GPR160: variants seen among roughly 807,000 people sequenced by gnomAD.
GPR160 encodes probable G protein-coupled receptor 160.
A neutral mutation model predicts 2.6 loss-of-function variants in GPR160; 2 were observed. That is an observed-to-expected ratio of 0.77 (90% CI 0.32 to 2.44). The LOEUF (loss-of-function observed/expected upper bound fraction) is 2.44, where lower values mean the gene tolerates loss of function less well. Ranked by LOEUF, GPR160 falls within the 30% of genes most tolerant of loss-of-function variation. The pLI, the probability that GPR160 is intolerant of heterozygous loss-of-function variation, is 0.11. For missense variants in GPR160, 351 were observed against 383.6 expected (o/e 0.91, Z 0.71); for synonymous variants, 130 against 132.2 (o/e 0.98, Z 0.12).
Position 170,038,851 on chromosome 3 carries a change from T to C in GPR160, c.-321-64T>C, listed in dbSNP as rs981333786. On this transcript the variant is annotated intron_variant, in intron 1 of 3. Transcript: ENST00000355897. This position sits in a 1 kb window ranked among gnomAD's most constrained non-coding sequence, Gnocchi z 5.3. ...CCATCCTGGCTGGCTCAAAATTCCC[T>C]CTAGATTACCTGCGACCACCCCCAG... The C allele has an allele frequency of 8.6e-5, 13 of 151,918 alleles. No homozygotes were observed. The highest frequency in any genetic ancestry group is 2.2e-4 in the African/African-American group (9 of 41,348). 9.4% of individuals were successfully genotyped at this position (151,918 alleles called of 1,614,324 possible).
At chr3:170,070,034 C>A (rs1712517882) in intron 2 of GPR160, among the ~76,000 whole-genome samples, 1 of 152,112 alleles carries the variant, frequency 6.6e-6, no homozygotes. Context: ...AAGGTCCTAT[C>A]TCCAAATATA....
rs114416623 is a variant in GPR160, at chr3:170,078,393, T to A, written c.-192-1381T>A. ...CCCTGAGCCCCCTCCCCCAATAAAC[T>A]GGAAAAAGGACAAGGGATACACTAC... On this transcript the variant is annotated intron_variant, in intron 2 of 3. Coordinates refer to ENST00000355897, the MANE Select transcript of GPR160 (RefSeq NM_014373.3). Among the ~76,000 whole-genome samples the A allele has an allele frequency of 4.7e-3, 715 of 151,974 alleles. 4 individuals carry two copies. The highest frequency in any genetic ancestry group is 0.016 in the African/African-American group (683 of 41,442).
At chr3:170,042,204 A>G (rs1045726304) in intron 2 of GPR160, among the ~76,000 whole-genome samples, 1 of 152,090 alleles carries the variant, frequency 6.6e-6, no homozygotes, top group Non-Finnish European at 1.5e-5. Flanking sequence ...ATTGAAATAT[A>G]AGGAAATCAG....
At chr3:170,064,371 G>A (rs6764015) in intron 2 of GPR160, among the ~76,000 whole-genome samples, 56,466 of 151,976 alleles carry the variant, frequency 0.37, 11,464 homozygotes, top group East Asian at 0.69. Context: ...CAGCCTCAGA[G>A]AAAGGCGCCC....
chr3:170,046,887 G>T (rs1275569560), intron 2 of GPR160, among the ~76,000 whole-genome samples: 1 of 152,116 alleles, frequency 6.6e-6, no homozygotes, highest in African/African-American at 2.4e-5. Context: ...TATCAGAGAG[G>T]TAACATGAGT....
chr3:170,067,968 A>G (rs1712426440), intron 2 of GPR160, among the ~76,000 whole-genome samples: 1 of 152,072 alleles, frequency 6.6e-6, no homozygotes, highest in South Asian at 2.1e-4. Flanking sequence ...ATTTAATGAA[A>G]CTCAGGTTTG....
intron 2 of GPR160, among the ~76,000 whole-genome samples, chr3:170,062,043 A>C (rs1003636270): frequency 6.6e-6 from 1 of 152,190 alleles, no homozygotes; most frequent in African/African-American, 2.4e-5. Flanking sequence ...TATAAGGTCT[A>C]TTTTACAATA....
chr3:170,066,130 C>CTTTTTTTTTTT lies in GPR160; in HGVS notation c.-192-13626_-192-13616dup, dbSNP rs768660597. 7.2e-4 allele frequency among the ~76,000 whole-genome samples: 61 copies of CTTTTTTTTTTT among 85,170 alleles called. 1 individual carries two copies. The highest frequency in any genetic ancestry group is 1.1e-3 in the African/African-American group (21 of 19,396). The allele number at this position is 85,170 out of a possible 152,430, so 55.9% of individuals were successfully genotyped here. A position where few individuals can be genotyped will look rare whatever the true frequency, so the allele number is the denominator to read the frequency against. ...ACTTGACACTATTCTTTTTCTTTTT[C>CTTTTTTTTTTT]TTTTTTTTTTTTTTTTTTTTTTTTT... On this transcript the variant is annotated intron_variant, in intron 2 of 3. Coordinates refer to ENST00000355897, the MANE Select transcript of GPR160 (RefSeq NM_014373.3).
chr3:170,064,514 C>CTTTTCTTTTTTTT (rs1273500686), intron 2 of GPR160, among the ~76,000 whole-genome samples: 1 of 81,052 alleles, frequency 1.2e-5, no homozygotes, highest in African/African-American at 4.1e-5. Context: ...CTTTTCTTTT[C>CTTTTCTTTTTTTT]TTTTTTTTTT....
chr3:170,085,204 G>A lies in GPR160; in HGVS notation c.*215G>A. The A allele has an allele frequency of 2.9e-6, 1 of 348,132 alleles. No individual in the cohort carries two copies. The highest frequency in any genetic ancestry group is 5.4e-6 in the Non-Finnish European group (1 of 186,330). 21.6% of individuals were successfully genotyped at this position (348,132 alleles called of 1,614,324 possible). A position where few individuals can be genotyped will look rare whatever the true frequency, so the allele number is the denominator to read the frequency against. ...TCCAAGAAGTTTTTATAGTTATTCA[G>A]GGACACTATATTACAAATATTACTT... On this transcript the variant is annotated 3_prime_UTR_variant, in exon 4 of 4. Transcript: ENST00000355897.
At chr3:170,070,058 GT>G (rs1712519309) in intron 2 of GPR160, among the ~76,000 whole-genome samples, 1 of 152,048 alleles carries the variant, frequency 6.6e-6, no homozygotes, top group Non-Finnish European at 1.5e-5. Flanking sequence ...ACATTTGGAG[GT>G]GCTGGGAGTT....
chr3:170,059,545 G>A (rs4422361), intron 2 of GPR160, among the ~76,000 whole-genome samples: 3 of 152,170 alleles, frequency 2.0e-5, no homozygotes, highest in Admixed American at 2.0e-4. Context: ...TTGGGAACCA[G>A]GTTCTTTTTT....
intron 3 of GPR160, 140 bp downstream of exon 3, chr3:170,080,037 T>TTG (rs1713045328): frequency 1.3e-5 from 2 of 152,208 alleles, no homozygotes; most frequent in Non-Finnish European, 2.9e-5. Flanking sequence ...GCAAGATACC[T>TTG]TGAAAAGGAC....
intron 2 of GPR160, among the ~76,000 whole-genome samples, chr3:170,063,686 G>A (rs1013800023): frequency 2.2e-4 from 33 of 151,954 alleles, no homozygotes; most frequent in Non-Finnish European, 1.5e-4. Flanking sequence ...TGAGGAAGAC[G>A]CTGTCTCCCA....
Position 170,084,012 on chromosome 3 carries a change from C to G in GPR160, c.40C>G (p.Gln14Glu), listed in dbSNP as rs73030619. 2,761 of 1,548,490 alleles carry G rather than the reference C, an allele frequency of 1.8e-3. 42 individuals carry two copies. In the African/African-American group the frequency reaches 0.033, roughly 18 times the overall value. Residue 14 changes from glutamine (Q) to glutamate (E), a missense_variant, in exon 4 of 4, where the codon CAG (glutamine) becomes GAG (glutamate). Coordinates refer to ENST00000355897, the MANE Select transcript of GPR160 (RefSeq NM_014373.3). Reference protein sequence around the residue: ...LSSENCSFQYQLRQTNQPLDV... With the variant: ...LSSENCSFQYELRQTNQPLDV... ...TTCAGAGAACTGCTCTTTTCAGTAC[C>G]AGTTACGTCAAACAAACCAGCCCCT... is the stretch of plus-strand genomic sequence containing the variant.
chr3:170,058,471 A>G (rs906371437), intron 2 of GPR160, among the ~76,000 whole-genome samples: 2 of 152,250 alleles, frequency 1.3e-5, no homozygotes, highest in South Asian at 2.1e-4. Flanking sequence ...AAAATGGAGA[A>G]TAAGTTTCTG....
rs144868024 is a variant in GPR160 at position 170,080,445 on chromosome 3, C to A, written c.-69+548C>A. Among the ~76,000 whole-genome samples the A allele has an allele frequency of 9.0e-3, 1,371 of 152,250 alleles. 8 individuals carry two copies. Among genetic ancestry groups the A allele is most frequent in the Non-Finnish European group, 0.014 (966 of 68,008 alleles). On this transcript the variant is annotated intron_variant, in intron 3 of 3. Transcript: ENST00000355897. ...TTCCCCGCTCTTATTTTTCTTCTAG[C>A]TTTATGATTCTCTTACATGTTCCAT...
chr3:170,081,486 T>C (rs1360800416), intron 3 of GPR160, among the ~76,000 whole-genome samples: 1 of 152,194 alleles, frequency 6.6e-6, no homozygotes, highest in Non-Finnish European at 1.5e-5. Context: ...AAGTAGATTA[T>C]TTGTATACCT....
intron 2 of GPR160, among the ~76,000 whole-genome samples, chr3:170,075,833 C>T (rs1431917906): frequency 3.9e-5 from 6 of 152,192 alleles, no homozygotes; most frequent in Non-Finnish European, 7.3e-5. Context: ...ATAACCTCTG[C>T]TTGCTGTCTT....
Sources: gnomAD v4.1 joint callset for allele counts (sites outside exome capture counted in the v4.1 genomes callset) on GRCh38, gnomAD v4.1.1 for gene constraint, Gnocchi (gnomAD v3.1) non-coding constraint, MANE v1.5 for transcripts, NCBI Gene and HGNC (gene_info 2026-07-23, HGNC 2026-07-21) for gene names.